The following PARL variants were observed in gnomAD, a reference collection of about 807,000 sequenced individuals.
PARL encodes the protein presenilin associated rhomboid like.
A neutral mutation model predicts 51.6 loss-of-function variants in PARL; 44 were observed. The ratio of observed to expected loss-of-function variants is 0.85; its 90% CI spans 0.67 to 1.10. PARL has a LOEUF of 1.10. PARL is among the 50% of genes least tolerant of loss of function. The pLI, the probability that PARL is intolerant of heterozygous loss-of-function variation, is 0.00. For synonymous variants in PARL, 172 were observed against 164.0 expected (o/e 1.05, Z -0.37); for missense variants, 441 against 469.5 (o/e 0.94, Z 0.56).
chr3:183,876,610 T>TAAAAAAAAAAAA (rs576376716), intron 1 of PARL, among the ~76,000 whole-genome samples: 164 of 91,688 alleles, frequency 1.8e-3, no homozygotes, highest in Middle Eastern at 6.5e-3. Context: ...ATACATTTTG[T>TAAAAAAAAAAAA]AAAAAAAAAA....
rs764203355 is a variant in PARL at position 183,844,318 on chromosome 3, C to A, written c.520G>T (p.Ala174Ser). The A allele has an allele frequency of 4.5e-6, 7 of 1,569,038 alleles. No homozygotes were observed. The East Asian group carries it at 1.6e-4, about 35-fold the overall frequency. The stretch of plus-strand genomic sequence containing the variant: ...AAACAGAATACAAGGACATTTGCAG[C>A]TATAATACCTACAAAATAAATATTT... ...DGQRTVTGII[A>S]ANVLVFCLWR... Residue 174 changes from alanine (A) to serine (S), a missense_variant, in exon 5 of 10, where the codon GCT becomes TCT. Transcript: ENST00000317096.
intron 3 of PARL, among the ~76,000 whole-genome samples, chr3:183,865,904 A>T: frequency 6.8e-6 from 1 of 147,214 alleles, no homozygotes. Context: ...TTTTGAGATG[A>T]GTTCTCGCTC....
intron 1 of PARL, among the ~76,000 whole-genome samples, chr3:183,878,316 T>C (rs1486812862): frequency 6.6e-6 from 1 of 152,126 alleles, no homozygotes; most frequent in East Asian, 1.9e-4. Context: ...TGCACAATAT[T>C]ACTTCCACCA....
intron 4 of PARL, among the ~76,000 whole-genome samples, chr3:183,862,117 T>C (rs770259005): frequency 6.6e-6 from 1 of 152,196 alleles, no homozygotes; most frequent in Non-Finnish European, 1.5e-5. Context: ...CTCCATGAAA[T>C]ATTGCAGAGG....
rs1207700467 is a variant in PARL at position 183,840,554 on chromosome 3, CAATAGA to C, written c.828+10_828+15del. ...TAAAAATTAAATTAAAAAAAATTTA[CAATAGA>C]AATACTTACTGCACCAAGTGATGGT... On this transcript the variant is annotated intron_variant, in intron 7 of 9. Coordinates refer to ENST00000317096, the MANE Select transcript of PARL (RefSeq NM_018622.7). The C allele has an allele frequency of 2.4e-6, 3 of 1,246,600 alleles. No individual in the cohort carries two copies. Among genetic ancestry groups the C allele is most frequent in the Non-Finnish European group, 3.4e-6 (3 of 871,604 alleles). 77.2% of individuals were successfully genotyped at this position (1,246,600 alleles called of 1,614,324 possible). A position where few individuals can be genotyped will look rare whatever the true frequency, so the allele number is the denominator to read the frequency against.
At chr3:183,857,214 A>G (rs1237395999) in intron 4 of PARL, among the ~76,000 whole-genome samples, 1 of 152,150 alleles carries the variant, frequency 6.6e-6, no homozygotes, top group Non-Finnish European at 1.5e-5. Flanking sequence ...ATGCCACTGC[A>G]CTCCAGCCTG....
At chr3:183,826,753 G>C, downstream of PARL, 2 of 985,430 alleles carry the variant, frequency 2.0e-6, no homozygotes, top group Non-Finnish European at 2.4e-6. Flanking sequence ...ACACACAGGG[G>C]CCGGGTCAGA....
chr3:183,882,645 G>T (rs1374305953), intron 1 of PARL, among the ~76,000 whole-genome samples: 1 of 152,004 alleles, frequency 6.6e-6, no homozygotes, highest in African/African-American at 2.4e-5. Flanking sequence ...TTCCCCTTTT[G>T]TGTAAAAGGC....
intron 1 of PARL, among the ~76,000 whole-genome samples, chr3:183,882,314 T>C (rs897034887): frequency 2.0e-5 from 2 of 98,218 alleles, no homozygotes; most frequent in Admixed American, 1.3e-4. Flanking sequence ...CACACATATA[T>C]ACACACATAT....
chr3:183,863,321 C>T (rs571242121), intron 3 of PARL, among the ~76,000 whole-genome samples: 4 of 151,082 alleles, frequency 2.6e-5, no homozygotes, highest in African/African-American at 7.3e-5. Flanking sequence ...GCATGAAATA[C>T]GTCTAGAATT....
intron 5 of PARL, 55 bp downstream of exon 5, chr3:183,844,176 A>C: frequency 8.4e-7 from 1 of 1,185,424 alleles, no homozygotes; most frequent in African/African-American, 1.5e-5. Context: ...TAACTAAAGC[A>C]TATTTCTTTC....
intron 4 of PARL, among the ~76,000 whole-genome samples, chr3:183,855,071 G>C (rs778556846): frequency 6.6e-6 from 1 of 152,198 alleles, no homozygotes; most frequent in Non-Finnish European, 1.5e-5. Context: ...TATGTGACTT[G>C]ATGTATATGA....
At chr3:183,840,277 C>T (rs534993443) in intron 7 of PARL, among the ~76,000 whole-genome samples, 24 of 152,122 alleles carry the variant, frequency 1.6e-4, no homozygotes, top group African/African-American at 4.6e-4. Context: ...CTCTGGTTTA[C>T]GAGGATTGCA....
At chr3:183,883,472 G>A (rs907462992) in intron 1 of PARL, 9 of 312,602 alleles carry the variant, frequency 2.9e-5, no homozygotes, top group Non-Finnish European at 4.2e-5. Context: ...GTTTTGCAAT[G>A]TTGGCCAGGC....
chr3:183,847,262 T>C (rs936901978), intron 4 of PARL, among the ~76,000 whole-genome samples: 1 of 152,132 alleles, frequency 6.6e-6, no homozygotes, highest in Non-Finnish European at 1.5e-5. Flanking sequence ...AAAATCTACC[T>C]GAAAGGGTTG....
intron 4 of PARL, among the ~76,000 whole-genome samples, chr3:183,857,430 C>A (rs1731298481): frequency 1.3e-5 from 2 of 152,030 alleles, no homozygotes; most frequent in Admixed American, 6.6e-5. Flanking sequence ...ATGTAACAAA[C>A]CTACTTGTAT....
intron 5 of PARL, among the ~76,000 whole-genome samples, chr3:183,843,665 C>T (rs1322561885): frequency 6.6e-6 from 1 of 151,926 alleles, no homozygotes; most frequent in Non-Finnish European, 1.5e-5. Context: ...CCCGTCTCTA[C>T]TAAAAATACA....
chr3:183,866,485 G>A, intron 3 of PARL, 140 bp downstream of exon 3: 2 of 729,102 alleles, frequency 2.7e-6, no homozygotes, highest in East Asian at 5.2e-5. Flanking sequence ...TGTTTAAGGT[G>A]ATAGATATTC....
At chr3:183,882,245 T>TTTA (rs1734577600) in intron 1 of PARL, among the ~76,000 whole-genome samples, 9 of 29,382 alleles carry the variant, frequency 3.1e-4, no homozygotes, top group Admixed American at 5.4e-4. Flanking sequence ...ATATATATAT[T>TTTA]TATATATATA....
Sources: allele counts gnomAD v4.1 joint callset (sites outside exome capture counted in the v4.1 genomes callset), GRCh38; gene constraint gnomAD v4.1.1; transcripts MANE v1.5; gene names NCBI Gene and HGNC (gene_info 2026-07-23, HGNC 2026-07-21).